The following RORB variants were observed in gnomAD, a reference collection of about 807,000 sequenced individuals.
RORB encodes the protein nuclear receptor ROR-beta.
In RORB, 6 loss-of-function variants were observed where a neutral mutation model predicts 59.1. The ratio of observed to expected loss-of-function variants is 0.10; its 90% CI spans 0.06 to 0.20. The LOEUF (loss-of-function observed/expected upper bound fraction) is 0.20. Ranked by LOEUF, RORB falls within the 10% of genes least tolerant of loss-of-function variation. The pLI is 1.00. For synonymous variants in RORB, 215 were observed against 204.5 expected, an observed-to-expected ratio of 1.05 and a Z score of -0.44; for missense variants, 320 against 560.5, an observed-to-expected ratio of 0.57 and a Z score of 4.33.
intron 4 of RORB, among the ~76,000 whole-genome samples, chr9:74,658,004 C>CAAAAAAAAAAAAAAAAAAA (rs60719147): frequency 1.0e-5 from 1 of 97,830 alleles, no homozygotes; most frequent in Non-Finnish European, 1.9e-5. Context: ...GACTCGGTCT[C>CAAAAAAAAAAAAAAAAAAA]AAAAAAAAAA....
rs542541665 is a variant in RORB at position 74,604,141 on chromosome 9, A to G, written c.8-26141A>G. Reference sequence around the variant, plus strand: ...CTAAACTAATGATCTAGAATCTCCAATAAGGCAGGACATATCCAATGCTGA... The same window carrying G: ...CTAAACTAATGATCTAGAATCTCCAGTAAGGCAGGACATATCCAATGCTGA... On this transcript the variant is annotated intron_variant, in intron 1 of 9. Coordinates refer to ENST00000376896, the MANE Select transcript of RORB (RefSeq NM_006914.4). 3.1e-3 allele frequency among the ~76,000 whole-genome samples: 475 copies of G among 152,346 alleles called. 7 individuals carry two copies. The highest frequency in any genetic ancestry group is 0.02 in the Middle Eastern group (6 of 294).
intron 3 of RORB, among the ~76,000 whole-genome samples, chr9:74,638,203 C>T (rs947566168): frequency 6.6e-6 from 1 of 152,160 alleles, no homozygotes; most frequent in African/African-American, 2.4e-5. Context: ...GATTGATAGT[C>T]AGTTGGGCTC....
intron 1 of RORB, among the ~76,000 whole-genome samples, chr9:74,557,638 T>C (rs1822327344): frequency 6.6e-6 from 1 of 152,148 alleles, no homozygotes; most frequent in Non-Finnish European, 1.5e-5. Flanking sequence ...GTTTTGCTTT[T>C]ACAGAAGATC....
chr9:74,542,623 A>C (rs1826426256), intron 1 of RORB, among the ~76,000 whole-genome samples: 1 of 152,224 alleles, frequency 6.6e-6, no homozygotes, highest in Non-Finnish European at 1.5e-5. Flanking sequence ...GTTTTTCACA[A>C]CTGATAAAAG....
chr9:74,680,559 A>T lies in RORB; in HGVS notation c.1225-4904A>T, dbSNP rs1260029577. ...GTACAGGCACTGCCACACGGATGCT[A>T]AGGATGGGGTCAGGATTGTGGGGGC... On this transcript the variant is annotated intron_variant, in intron 9 of 9. Transcript: ENST00000376896. 3.3e-5 allele frequency among the ~76,000 whole-genome samples: 5 copies of T among 152,188 alleles called. No individual in the cohort carries two copies. The East Asian group carries it at 9.6e-4, about 29-fold the overall frequency.
chr9:74,527,107 A>G (rs577641813), intron 1 of RORB, among the ~76,000 whole-genome samples: 1 of 152,146 alleles, frequency 6.6e-6, no homozygotes, highest in Non-Finnish European at 1.5e-5. Context: ...TAGAAACCGT[A>G]AGCATGAGTA....
chr9:74,565,161 G>A (rs1477432531), intron 1 of RORB, among the ~76,000 whole-genome samples: 3 of 152,142 alleles, frequency 2.0e-5, no homozygotes, highest in East Asian at 3.8e-4. Flanking sequence ...AGTAACTAAT[G>A]ACATGAATAC....
At chr9:74,599,140 C>T (rs1823016629) in intron 1 of RORB, among the ~76,000 whole-genome samples, 1 of 152,158 alleles carries the variant, frequency 6.6e-6, no homozygotes, top group Non-Finnish European at 1.5e-5. Context: ...TGGTGACAAA[C>T]TCAAACCATA....
chr9:74,682,311 A>C (rs189092001), intron 9 of RORB, among the ~76,000 whole-genome samples: 1 of 150,294 alleles, frequency 6.7e-6, no homozygotes, highest in African/African-American at 2.4e-5. Flanking sequence ...GAGGGATAGC[A>C]TTTGGAGATA....
chr9:74,507,545 A>G (rs1825886581), intron 1 of RORB, among the ~76,000 whole-genome samples: 1 of 152,062 alleles, frequency 6.6e-6, no homozygotes, highest in African/African-American at 2.4e-5. Flanking sequence ...TTAGTATGAA[A>G]ACTCATATTC....
intron 9 of RORB, among the ~76,000 whole-genome samples, chr9:74,679,849 G>A (rs1824514981): frequency 6.6e-6 from 1 of 152,134 alleles, no homozygotes; most frequent in East Asian, 1.9e-4. Context: ...TGTAATCCCA[G>A]CACTTTGGGA....
At chr9:74,610,172 T>G (rs1011368111) in intron 1 of RORB, among the ~76,000 whole-genome samples, 1 of 152,234 alleles carries the variant, frequency 6.6e-6, no homozygotes, top group African/African-American at 2.4e-5. Context: ...ACAGCAGATT[T>G]TACTGTACCT....
intron 1 of RORB, among the ~76,000 whole-genome samples, chr9:74,625,048 G>A (rs1823486799): frequency 6.6e-6 from 1 of 151,958 alleles, no homozygotes; most frequent in Admixed American, 6.5e-5. Flanking sequence ...AAAAGAAAGA[G>A]AGCAGAAAAC....
In RORB at chr9:74,662,477, A is replaced by G. The variant is rs1824204581; in HGVS notation, c.763A>G (p.Arg255Gly). 2 of 1,613,994 alleles carry G rather than the reference A, an allele frequency of 1.2e-6. No homozygotes were observed. Among genetic ancestry groups the G allele is most frequent in the African/African-American group, 1.3e-5 (1 of 75,044 alleles). The change falls in exon 6 of 10, where the codon AGG (arginine) becomes GGG (glycine). Residue 255 changes from arginine to glycine, a missense_variant. Arg to Gly is a moderately radical substitution (Grantham distance 125). Transcript: ENST00000376896. ...EEIKAYQSKS[R>G]EALWQQCAIQ... ...TTCTGTGTCTTCTCTCCTCAAGTCCAGGGAAGCACTGTGGCAACAATGTGC... is the reference window on the plus strand; with the variant it reads ...TTCTGTGTCTTCTCTCCTCAAGTCCGGGGAAGCACTGTGGCAACAATGTGC...
chr9:74,510,942 T>C (rs1268180074), intron 1 of RORB, among the ~76,000 whole-genome samples: 2 of 152,202 alleles, frequency 1.3e-5, no homozygotes, highest in African/African-American at 4.8e-5. Flanking sequence ...TGATACAGTC[T>C]TTTAACTTAA....
chr9:74,609,174 T>A (rs1823194591), intron 1 of RORB, among the ~76,000 whole-genome samples: 1 of 152,248 alleles, frequency 6.6e-6, no homozygotes, highest in African/African-American at 2.4e-5. Flanking sequence ...ACATATATTA[T>A]CTGATTCAAT....
At chr9:74,537,332 CTT>C (rs1826335430) in intron 1 of RORB, among the ~76,000 whole-genome samples, 1 of 151,938 alleles carries the variant, frequency 6.6e-6, no homozygotes, top group Non-Finnish European at 1.5e-5. Flanking sequence ...AAAGCAAAGA[CTT>C]TTTCTGCATA....
At chr9:74,665,805 A>G (rs2118526629) in intron 7 of RORB, among the ~76,000 whole-genome samples, 1 of 152,340 alleles carries the variant, frequency 6.6e-6, no homozygotes, top group South Asian at 2.1e-4. Context: ...GAGAGAACTG[A>G]GGACCCTCCT....
Position 74,590,434 on chromosome 9 carries a change from C to T in RORB, c.8-39848C>T, listed in dbSNP as rs183713240. 6.2e-4 allele frequency among the ~76,000 whole-genome samples: 95 copies of T among 152,302 alleles called. 1 individual carries two copies. The Middle Eastern group carries it at 0.024, about 38-fold the overall frequency. ...TTGTAGTGGTTAAAATGCTGTACCA[C>T]GGTCTCAGTGTAAGTCCTGTTTCTG... On this transcript the variant is annotated intron_variant, in intron 1 of 9. Transcript: ENST00000376896.
Sources: allele counts gnomAD v4.1 joint callset (sites outside exome capture counted in the v4.1 genomes callset), GRCh38; gene constraint gnomAD v4.1.1; transcripts MANE v1.5; gene names NCBI Gene and HGNC (gene_info 2026-07-23, HGNC 2026-07-21).